Variants in SIGLEC1 observed in about 807,000 individuals in gnomAD.
SIGLEC1 encodes sialoadhesin.
SIGLEC1 carries 132 observed loss-of-function variants against 148.0 expected under a neutral mutation model. The ratio of observed to expected loss-of-function variants is 0.89; its 90% CI spans 0.77 to 1.03. The LOEUF (loss-of-function observed/expected upper bound fraction) is 1.03. Ranked by LOEUF, SIGLEC1 falls within the 50% of genes least tolerant of loss-of-function variation. SIGLEC1 has a pLI of 0.00. For missense variants in SIGLEC1, 2,253 were observed against 2,271.4 expected (o/e 0.99, Z 0.16); for synonymous variants, 945 against 969.0 (o/e 0.98, Z 0.46).
At chr20:3,707,300 C>T (rs1021047302) in intron 1 of SIGLEC1, among the ~76,000 whole-genome samples, 63 bp from the exon 2 acceptor site, 7 of 152,180 alleles carry the variant, frequency 4.6e-5, no homozygotes, top group African/African-American at 7.2e-5. Flanking sequence ...GGGCAGGGCT[C>T]TTAAAGACCT....
chr20:3,699,687 C>T (rs2087834462), intron 7 of SIGLEC1, among the ~76,000 whole-genome samples: 1 of 152,218 alleles, frequency 6.6e-6, no homozygotes, highest in South Asian at 2.1e-4. Flanking sequence ...ATGTCCAACA[C>T]CTGGCTTGGC....
intron 1 of SIGLEC1, among the ~76,000 whole-genome samples, chr20:3,712,175 G>A (rs1343783983): frequency 6.6e-6 from 1 of 151,028 alleles, no homozygotes; most frequent in Non-Finnish European, 1.5e-5. Context: ...TGAGGTGAGG[G>A]TGAGATAAGG....
In SIGLEC1 at chr20:3,705,816, C is replaced by T. The variant is rs776149157; in HGVS notation, c.634G>A (p.Gly212Ser). ...LHMAMSWQDH[G>S]RILRCQLSVA... The stretch of plus-strand genomic sequence containing the variant: ...GAGAGCTGGCAGCGCAGGATCCGGC[C>T]GTGGTCCTGCCAGGACATGGCCATG... Residue 212 changes from glycine (G) to serine (S), a missense_variant, in exon 4 of 22, where the codon GGC becomes AGC. Gly to Ser is a moderately conservative substitution (Grantham distance 56). Transcript: ENST00000344754. The T allele has an allele frequency of 5.0e-6, 8 of 1,614,026 alleles. No homozygotes were observed. Among genetic ancestry groups the T allele is most frequent in the Admixed American group, 1.7e-5 (1 of 60,036 alleles).
At position 3,693,731 on chromosome 20, in the gene SIGLEC1, G is replaced by A. The variant is rs747805640; in HGVS notation, c.3257-33C>T. 4 of 1,542,238 alleles carry A rather than the reference G, an allele frequency of 2.6e-6. No individual in the cohort carries two copies. In the East Asian group the frequency reaches 6.8e-5, roughly 26 times the overall value. ...GAGGGAGGGCACAGGACACCAGTGA[G>A]GGTCTTGAGGCTGTGTACAGCAGGC... is the stretch of plus-strand genomic sequence containing the variant. On this transcript the variant is annotated intron_variant, in intron 13 of 21. Coordinates refer to ENST00000344754, the MANE Select transcript of SIGLEC1 (RefSeq NM_023068.4).
At chr20:3,689,496 G>A (rs2088733386) in intron 20 of SIGLEC1, 104 bp downstream of exon 20, 1 of 771,780 alleles carries the variant, frequency 1.3e-6, no homozygotes, top group East Asian at 2.7e-5. Flanking sequence ...TAGGCAGCCT[G>A]TGAACTTAAT....
intron 13 of SIGLEC1, 119 bp downstream of exon 13, chr20:3,694,102 G>C: frequency 1.8e-6 from 2 of 1,101,654 alleles, no homozygotes; most frequent in East Asian, 5.1e-5. Context: ...CGTTAGGAAG[G>C]GTGGGAATGG....
In SIGLEC1 at chr20:3,688,459, A is replaced by T; in HGVS notation, c.*101T>A. The T allele has an allele frequency of 9.9e-7, 1 of 1,005,266 alleles. No homozygotes were observed. The highest frequency in any genetic ancestry group is 1.5e-6 in the Non-Finnish European group (1 of 651,340). 62.3% of individuals were successfully genotyped at this position (1,005,266 alleles called of 1,614,324 possible). ...TCAGATGTCACAGAGCTGTTTTCGT[A>T]GAGGCGGGCAGGACTCAACACTGCC... On this transcript the variant is annotated 3_prime_UTR_variant, in exon 22 of 22. Transcript: ENST00000344754.
Position 3,691,540 on chromosome 20 carries a change from C to T in SIGLEC1, c.4391G>A (p.Ser1464Asn). ...CCCAGGGCCACCCAGGAGGCGGCAG[C>T]TGAGGTTCAGGGCAGCGCCCTCAGG... The part of the protein sequence containing the change: ...DVPEGAALNL[S>N]CRLLGGPGPV... Residue 1464 changes from serine to asparagine, a missense_variant, in exon 18 of 22, where the codon AGC becomes AAC. By Grantham distance (46) the Ser-to-Asn change is conservative (BLOSUM62 1). Transcript: ENST00000344754. The T allele has an allele frequency of 1.2e-5, 20 of 1,613,202 alleles. No individual in the cohort carries two copies. Among genetic ancestry groups the T allele is most frequent in the Non-Finnish European group, 1.7e-5 (20 of 1,180,008 alleles).
rs1483862622 is a variant in SIGLEC1 at position 3,710,467 on chromosome 20, C to T, written c.-110+2003G>A. The stretch of plus-strand genomic sequence containing the variant: ...GCTCATCTCCAGTTCTCTAGGAAGC[C>T]CTAGGCCTCCTCCTCTTCTGGGAAG... On this transcript the variant is annotated intron_variant, in intron 1 of 21. Coordinates refer to ENST00000344754, the MANE Select transcript of SIGLEC1 (RefSeq NM_023068.4). This position sits in a 1 kb window ranked among gnomAD's most constrained non-coding sequence, Gnocchi z 4.6. Among the ~76,000 whole-genome samples the T allele has an allele frequency of 6.6e-6, 1 of 152,182 alleles. No homozygotes were observed. Among genetic ancestry groups the T allele is most frequent in the Non-Finnish European group, 1.5e-5 (1 of 68,010 alleles).
At chr20:3,694,621 T>C (rs2088804101) in intron 12 of SIGLEC1, 42 bp downstream of exon 12, 2 of 1,583,956 alleles carry the variant, frequency 1.3e-6, no homozygotes, top group Non-Finnish European at 1.7e-6. Context: ...ACTGGGGGAC[T>C]GCATTCCTTC....
At position 3,689,665 on chromosome 20, in the gene SIGLEC1, C is replaced by A. The variant is rs2088735863; in HGVS notation, c.4932G>T (p.Trp1644Cys). The A allele has an allele frequency of 6.3e-7, 1 of 1,589,748 alleles. No individual in the cohort carries two copies. The highest frequency in any genetic ancestry group is 2.3e-5 in the East Asian group (1 of 44,016). Reference sequence around the variant, plus strand: ...GGAGGCCCACCAGCAGTCCCAGGACCCAGAGCAGCTGCTGGAACTGATGCA... The same window carrying A: ...GGAGGCCCACCAGCAGTCCCAGGACACAGAGCAGCTGCTGGAACTGATGCA... ...HRLHQFQQLL[W>C]VLGLLVGLLL... is the part of the protein sequence containing the mutation. The change falls in exon 20 of 22, where the codon TGG (tryptophan) becomes TGT (cysteine). Residue 1644 changes from tryptophan to cysteine, a missense_variant. Physicochemically the swap from Trp to Cys is radical, Grantham distance 215 (BLOSUM62 -2). Coordinates refer to ENST00000344754, the MANE Select transcript of SIGLEC1 (RefSeq NM_023068.4).
At chr20:3,691,746 C>T in intron 17 of SIGLEC1, 146 bp from the exon 18 acceptor site, 1 of 1,328,866 alleles carries the variant, frequency 7.5e-7, no homozygotes, top group South Asian at 1.4e-5. Context: ...GAACCATGCC[C>T]CCTCCAGTGG....
Position 3,698,062 on chromosome 20 carries a change from C to T in SIGLEC1, c.1858G>A (p.Gly620Ser). ...DAAGAGAGRRGLLLCRVDSDP... is the reference protein window; with the variant it reads ...DAAGAGAGRRSLLLCRVDSDP... ...CTGTCCACACGGCACAAAAGGAGGC[C>T]TCGCCGTCCAGCCCCGGCCCCAGCG... Residue 620 changes from glycine (G) to serine (S), a missense_variant, in exon 9 of 22, where the codon GGC becomes AGC. Gly to Ser is a moderately conservative substitution (Grantham distance 56). Coordinates refer to ENST00000344754, the MANE Select transcript of SIGLEC1 (RefSeq NM_023068.4). 6.2e-7 allele frequency: 1 copy of T among 1,610,124 alleles called. No individual in the cohort carries two copies. Among genetic ancestry groups the T allele is most frequent in the Non-Finnish European group, 8.5e-7 (1 of 1,178,934 alleles).
At chr20:3,704,940 T>G (rs1394644326) in intron 4 of SIGLEC1, among the ~76,000 whole-genome samples, 1 of 152,240 alleles carries the variant, frequency 6.6e-6, no homozygotes, top group Non-Finnish European at 1.5e-5. Flanking sequence ...GTTTAATATG[T>G]GCCAGGCACT....
chr20:3,689,003 T>C (rs901562974), intron 21 of SIGLEC1, 152 bp downstream of exon 21: 1 of 727,308 alleles, frequency 1.4e-6, no homozygotes, highest in East Asian at 2.5e-5. Flanking sequence ...AGGGCTCTCC[T>C]ATCTCCTGAG....
chr20:3,707,334 C>T (rs1483038426), intron 1 of SIGLEC1, among the ~76,000 whole-genome samples, 97 bp from the exon 2 acceptor site: 1 of 152,192 alleles, frequency 6.6e-6, no homozygotes, highest in Non-Finnish European at 1.5e-5. Flanking sequence ...CAGCAGAGAG[C>T]CAGGAGGCCA....
Position 3,707,220 on chromosome 20 carries a change from CT to C in SIGLEC1, c.-93del. On this transcript the variant is annotated 5_prime_UTR_variant, in exon 2 of 22. Coordinates refer to ENST00000344754, the MANE Select transcript of SIGLEC1 (RefSeq NM_023068.4). Reference sequence around the variant, plus strand: ...GGGCCTCCAGGGACACCTCTGGGCACTTTAGCCCCAGCACCTGCTAGAAGTC... The same window carrying C: ...GGGCCTCCAGGGACACCTCTGGGCACTTAGCCCCAGCACCTGCTAGAAGTC... 8.6e-7 allele frequency: 1 copy of C among 1,167,162 alleles called. No homozygotes were observed. The highest frequency in any genetic ancestry group is 1.3e-6 in the Non-Finnish European group (1 of 789,080). The allele number at this position is 1,167,162 out of a possible 1,614,324, so 72.3% of individuals were successfully genotyped here.
rs1425972217 is a variant in SIGLEC1 at position 3,692,892 on chromosome 20, C to T, written c.3748G>A (p.Ala1250Thr). The T allele has an allele frequency of 6.2e-7, 1 of 1,611,352 alleles. No homozygotes were observed. The highest frequency in any genetic ancestry group is 1.1e-5 in the South Asian group (1 of 90,980). ...AGCCGCAGCTCCAGGGACGTGTTGGCCTGGCCCAGAGGGCTGCGGGCAGAG... is the reference window on the plus strand; with the variant it reads ...AGCCGCAGCTCCAGGGACGTGTTGGTCTGGCCCAGAGGGCTGCGGGCAGAG... ...SCSARSPLGQ[A>T]NTSLELRLEG... Residue 1250 changes from alanine (A) to threonine (T), a missense_variant, in exon 15 of 22, where the codon GCC (alanine) becomes ACC (threonine). Physicochemically the swap from Ala to Thr is moderately conservative, Grantham distance 58. Coordinates refer to ENST00000344754, the MANE Select transcript of SIGLEC1 (RefSeq NM_023068.4).
Position 3,691,336 on chromosome 20 carries a change from TCA to T in SIGLEC1, c.4591+2_4591+3del, listed in dbSNP as rs2088759452. On this transcript the variant is annotated splice_donor_variant and splice_donor_region_variant and intron_variant, in intron 18 of 21. Coordinates refer to ENST00000344754, the MANE Select transcript of SIGLEC1 (RefSeq NM_023068.4). LOFTEE classifies it high-confidence loss of function. ...CTAAGGCGGAGGAGGGGGTTCACAC[TCA>T]CAGAGCACACGGAGCATGACTGGAG... The T allele has an allele frequency of 1.2e-6, 2 of 1,613,266 alleles. No individual in the cohort carries two copies. Among genetic ancestry groups the T allele is most frequent in the Non-Finnish European group, 1.7e-6 (2 of 1,179,874 alleles).
Sources: gnomAD v4.1 joint callset for allele counts (sites outside exome capture counted in the v4.1 genomes callset) on GRCh38, gnomAD v4.1.1 for gene constraint, Gnocchi (gnomAD v3.1) non-coding constraint, MANE v1.5 for transcripts, NCBI Gene and HGNC (gene_info 2026-07-23, HGNC 2026-07-21) for gene names.